Variants in CR1L observed in about 807,000 individuals in gnomAD.
CR1L encodes the protein complement component receptor 1-like protein.
In CR1L, 59 loss-of-function variants were observed where a neutral mutation model predicts 62.3. The ratio of observed to expected loss-of-function variants is 0.95; its 90% CI spans 0.77 to 1.18. The LOEUF (loss-of-function observed/expected upper bound fraction) is 1.18, where lower values mean the gene tolerates loss of function less well. Among genes scored for constraint, CR1L ranks in the 50% most tolerant of loss-of-function variants. The pLI is 0.00. For missense variants in CR1L, 700 were observed against 702.8 expected, an observed-to-expected ratio of 1.00 and a Z score of 0.04; for synonymous variants, 279 against 248.7, an observed-to-expected ratio of 1.12 and a Z score of -1.15.
chr1:207,697,487 G>T lies in CR1L; in HGVS notation c.863-16G>T, dbSNP rs1297718551. The stretch of plus-strand genomic sequence containing the variant: ...ATTTTCACACAATTAGCAGTACTTT[G>T]TTTCTCTCTCCCCAGTATGTCAGCC... On this transcript the variant is annotated splice_polypyrimidine_tract_variant and intron_variant, in intron 5 of 11. Transcript: ENST00000508064. The T allele has an allele frequency of 3.1e-6, 5 of 1,613,676 alleles. No individual in the cohort carries two copies. In the South Asian group the frequency reaches 5.5e-5, roughly 18 times the overall value.
intron 10 of CR1L, among the ~76,000 whole-genome samples, chr1:207,716,375 C>A (rs1331508637): frequency 6.6e-6 from 1 of 152,118 alleles, no homozygotes; most frequent in Non-Finnish European, 1.5e-5. Context: ...TCCAAACCAT[C>A]CGCTTAAATA....
chr1:207,719,734 A>G (rs991401248), intron 11 of CR1L, among the ~76,000 whole-genome samples: 2 of 152,070 alleles, frequency 1.3e-5, no homozygotes, highest in Non-Finnish European at 2.9e-5. Context: ...ACACACACAC[A>G]CACGCACACA....
intron 9 of CR1L, among the ~76,000 whole-genome samples, chr1:207,702,504 T>C (rs771415482): frequency 5.9e-5 from 9 of 152,198 alleles, no homozygotes; most frequent in African/African-American, 1.7e-4. Flanking sequence ...GAGGAAGATA[T>C]GTTGAAAGCC....
chr1:207,651,379 T>G (rs1302557763), intron 1 of CR1L, among the ~76,000 whole-genome samples: 4 of 152,074 alleles, frequency 2.6e-5, no homozygotes, highest in Non-Finnish European at 4.4e-5. Flanking sequence ...ATGGAGAATT[T>G]TAGAATTTAG....
At chr1:207,650,898 G>A (rs1381307399) in intron 1 of CR1L, among the ~76,000 whole-genome samples, 1 of 151,690 alleles carries the variant, frequency 6.6e-6, no homozygotes, top group Non-Finnish European at 1.5e-5. Flanking sequence ...CAATTCTTCT[G>A]CCTCAGCCTC....
At chr1:207,706,804 G>A (rs1664274367) in intron 9 of CR1L, among the ~76,000 whole-genome samples, 1 of 151,992 alleles carries the variant, frequency 6.6e-6, no homozygotes, top group Non-Finnish European at 1.5e-5. Context: ...GGAGAATGAT[G>A]AATTCCTAAA....
intron 1 of CR1L, among the ~76,000 whole-genome samples, chr1:207,654,267 T>C (rs76441118): frequency 0.038 from 5,827 of 152,256 alleles, 176 homozygotes; most frequent in South Asian, 0.12. Context: ...ACTGTGACCA[T>C]GTAAGGCAGT....
intron 9 of CR1L, among the ~76,000 whole-genome samples, chr1:207,702,069 G>A (rs1175496840): frequency 6.6e-6 from 1 of 152,106 alleles, no homozygotes; most frequent in East Asian, 1.9e-4. Flanking sequence ...CAAATTGAAG[G>A]CTTGTGGCAA....
intron 11 of CR1L, among the ~76,000 whole-genome samples, chr1:207,722,710 T>C (rs1450336625): frequency 6.6e-6 from 1 of 152,212 alleles, no homozygotes; most frequent in Non-Finnish European, 1.5e-5. Flanking sequence ...AGTAAGGATG[T>C]AATGTAACGA....
chr1:207,708,163 A>G lies in CR1L; in HGVS notation c.1329-15A>G, dbSNP rs749342942. 1.2e-6 allele frequency: 2 copies of G among 1,610,372 alleles called. No individual in the cohort carries two copies. Among genetic ancestry groups the G allele is most frequent in the South Asian group, 2.2e-5 (2 of 90,950 alleles). On this transcript the variant is annotated splice_polypyrimidine_tract_variant and intron_variant, in intron 9 of 11. Transcript: ENST00000508064. ...GGTATGTACAGCACAATTATTTTCC[A>G]TTTTTTGCCTTTAGGCACCGACTCA...
chr1:207,716,514 C>G (rs1654003945), intron 10 of CR1L, among the ~76,000 whole-genome samples: 1 of 151,722 alleles, frequency 6.6e-6, no homozygotes, highest in Non-Finnish European at 1.5e-5. Flanking sequence ...CCTTTTTTTT[C>G]TTATTGGAAA....
At position 207,689,316 on chromosome 1, in the gene CR1L, A is replaced by G. The variant is rs879361946; in HGVS notation, c.464-5037A>G. Among the ~76,000 whole-genome samples the G allele has an allele frequency of 1.3e-4, 19 of 152,000 alleles. 1 individual carries two copies. The highest frequency in any genetic ancestry group is 3.4e-3 in the Middle Eastern group (1 of 294). On this transcript the variant is annotated intron_variant, in intron 4 of 11. Transcript: ENST00000508064. ...AACTCTGAATTCCTAGAATCAACCTATGTTGCTTGTGATGTGTTATAGATG... is the reference window on the plus strand; with the variant it reads ...AACTCTGAATTCCTAGAATCAACCTGTGTTGCTTGTGATGTGTTATAGATG...
intron 10 of CR1L, among the ~76,000 whole-genome samples, chr1:207,712,500 A>G (rs1819221): frequency 0.49 from 75,136 of 152,054 alleles, 19,195 homozygotes; most frequent in East Asian, 0.86. Flanking sequence ...ATAACTAACA[A>G]GTACTCTGGA....
At chr1:207,710,837 G>A in intron 10 of CR1L, 1 of 1,443,766 alleles carries the variant, frequency 6.9e-7, no homozygotes, top group South Asian at 1.2e-5. Flanking sequence ...CATTGCTGTT[G>A]GATCAGGAGA....
At chr1:207,652,128 G>A (rs556658939) in intron 1 of CR1L, among the ~76,000 whole-genome samples, 33 of 152,314 alleles carry the variant, frequency 2.2e-4, no homozygotes, top group African/African-American at 7.9e-4. Flanking sequence ...AAGACAGCCT[G>A]AAGTGACAAG....
At chr1:207,702,261 C>T (rs777966687) in intron 9 of CR1L, among the ~76,000 whole-genome samples, 11 of 152,264 alleles carry the variant, frequency 7.2e-5, no homozygotes, top group Non-Finnish European at 1.3e-4. Flanking sequence ...GGAGTCCCTA[C>T]GAACTGCACC....
At chr1:207,648,899 T>C (rs1408426429) in intron 1 of CR1L, among the ~76,000 whole-genome samples, 3 of 152,228 alleles carry the variant, frequency 2.0e-5, no homozygotes, top group African/African-American at 4.8e-5. Flanking sequence ...ATTTTCAATA[T>C]GAAATTGATT....
Position 207,647,498 on chromosome 1 carries a change from C to G in CR1L, c.97+2168C>G, listed in dbSNP as rs148907921. Among the ~76,000 whole-genome samples, 262 of 152,328 alleles carry G rather than the reference C, an allele frequency of 1.7e-3. 2 individuals are homozygous for G. The highest frequency in any genetic ancestry group is 6.2e-3 in the African/African-American group (258 of 41,570). ...AAGTGATCTTTTCTGTTCTCTGTCT[C>G]TCCCCATCAGAATGCAGGAATCTTC... is the stretch of plus-strand genomic sequence containing the variant. On this transcript the variant is annotated intron_variant, in intron 1 of 11. Coordinates refer to ENST00000508064, the MANE Select transcript of CR1L (RefSeq NM_175710.2).
chr1:207,648,961 C>T (rs913127214), intron 1 of CR1L, among the ~76,000 whole-genome samples: 1 of 150,132 alleles, frequency 6.7e-6, no homozygotes, highest in Non-Finnish European at 1.5e-5. Context: ...ACTTTGAGTA[C>T]CAAATTTTTT....
Sources: allele counts gnomAD v4.1 joint callset (sites outside exome capture counted in the v4.1 genomes callset), GRCh38; gene constraint gnomAD v4.1.1; transcripts MANE v1.5; gene names NCBI Gene and HGNC (gene_info 2026-07-23, HGNC 2026-07-21).